The following NAPB variants were observed in gnomAD, a reference collection of about 807,000 sequenced individuals.
NAPB encodes the protein beta-soluble NSF attachment protein.
NAPB carries 26 observed loss-of-function variants against 44.7 expected under a neutral mutation model. The observed-to-expected ratio is 0.58, with a 90% CI of 0.43 to 0.81. The LOEUF is 0.81. Ranked by LOEUF, NAPB falls within the 30% of genes least tolerant of loss-of-function variation. The probability of loss-of-function intolerance (pLI) is 0.00; values close to 1 mark genes in which losing one functional copy is unlikely to be tolerated. For missense variants in NAPB, 315 were observed against 356.4 expected (o/e 0.88, Z 0.94); for synonymous variants, 120 against 116.8 (o/e 1.03, Z -0.18).
At chr20:23,381,017 A>C in intron 8 of NAPB, 196 bp downstream of exon 8, 2 of 538,678 alleles carry the variant, frequency 3.7e-6, no homozygotes, top group East Asian at 3.3e-5. Flanking sequence ...ATAAACTATC[A>C]GGTAACTTTT....
chr20:23,379,732 G>A (rs6137917), intron 9 of NAPB, 135 bp downstream of exon 9: 63,916 of 711,518 alleles, frequency 0.09, 3,904 homozygotes, highest in East Asian at 0.27. Context: ...CCTATAATAC[G>A]AAAGCAGGAA....
rs1982595393 is a variant in NAPB at position 23,377,317 on chromosome 20, C to T, written c.*59G>A. On this transcript the variant is annotated 3_prime_UTR_variant, in exon 11 of 11. Coordinates refer to ENST00000377026, the MANE Select transcript of NAPB (RefSeq NM_022080.3). ...TTAAATAGGCATCCCATAAAGATCA[C>T]TTGACCCTAAGACAAAACTAAAGAG... The T allele has an allele frequency of 1.8e-6, 2 of 1,138,808 alleles. No individual in the cohort carries two copies. Among genetic ancestry groups the T allele is most frequent in the East Asian group, 2.5e-5 (1 of 40,148 alleles). 70.5% of individuals were successfully genotyped at this position (1,138,808 alleles called of 1,614,324 possible). A position where few individuals can be genotyped will look rare whatever the true frequency, so the allele number is the denominator to read the frequency against.
intron 7 of NAPB, among the ~76,000 whole-genome samples, chr20:23,387,187 TTGA>T (rs1983592824): frequency 6.6e-6 from 1 of 152,120 alleles, no homozygotes; most frequent in African/African-American, 2.4e-5. Flanking sequence ...CCAATACCCT[TTGA>T]TGATAAAAAC....
chr20:23,393,139 T>A (rs951311034), intron 5 of NAPB, among the ~76,000 whole-genome samples: 1 of 152,090 alleles, frequency 6.6e-6, no homozygotes, highest in African/African-American at 2.4e-5. Flanking sequence ...TCCCATTCCA[T>A]CATCAATTCC....
At chr20:23,384,589 T>A (rs1983322610) in intron 7 of NAPB, among the ~76,000 whole-genome samples, 1 of 149,690 alleles carries the variant, frequency 6.7e-6, no homozygotes. Context: ...ACCATTTCCC[T>A]CCAGCCTGGG....
intron 1 of NAPB, among the ~76,000 whole-genome samples, chr20:23,416,904 A>G (rs1215304732): frequency 6.6e-6 from 1 of 152,210 alleles, no homozygotes; most frequent in Non-Finnish European, 1.5e-5. Flanking sequence ...AATATTCACA[A>G]TTTTCACAAA....
chr20:23,403,164 A>G (rs1984975097), intron 1 of NAPB, 92 bp from the exon 2 acceptor site: 8 of 871,558 alleles, frequency 9.2e-6, no homozygotes, highest in South Asian at 3.0e-5. Context: ...TATACTTGCT[A>G]TGTGCCAGAC....
intron 8 of NAPB, 78 bp from the exon 9 acceptor site, chr20:23,380,013 A>T: frequency 8.8e-7 from 1 of 1,133,072 alleles, no homozygotes; most frequent in Non-Finnish European, 1.3e-6. Context: ...GCTTCAAATA[A>T]GATCTACCTA....
At chr20:23,390,345 C>A in intron 5 of NAPB, 81 bp from the exon 6 acceptor site, 1 of 1,201,348 alleles carries the variant, frequency 8.3e-7, no homozygotes, top group South Asian at 1.3e-5. Flanking sequence ...GGTATTTTTC[C>A]ATAAATAAAC....
chr20:23,381,272 T>C lies in NAPB; in HGVS notation c.607A>G (p.Lys203Glu). The C allele has an allele frequency of 6.2e-7, 1 of 1,610,308 alleles. No homozygotes were observed. Among genetic ancestry groups the C allele is most frequent in the Non-Finnish European group, 8.5e-7 (1 of 1,178,632 alleles). The change falls in exon 8 of 11, where the codon AAG (lysine) becomes GAG (glutamate). Residue 203 changes from lysine to glutamate, a missense_variant. Lys to Glu is a moderately conservative substitution (Grantham distance 56). Transcript: ENST00000377026. The stretch of plus-strand genomic sequence containing the variant: ...AGGGCAGCTTTGAAGAAGTAATCCT[T>C]TGCACTGTATTTCAACAAAGGATTA... ...MDNPLLKYSA[K>E]DYFFKAALCH... is the part of the protein sequence containing the mutation.
intron 5 of NAPB, among the ~76,000 whole-genome samples, chr20:23,391,086 G>A (rs1009432821): frequency 1.3e-5 from 2 of 152,146 alleles, no homozygotes; most frequent in African/African-American, 4.8e-5. Context: ...AGGCCGAGGA[G>A]GGTGGAATAC....
At chr20:23,397,971 A>C (rs1436939152) in intron 2 of NAPB, among the ~76,000 whole-genome samples, 1 of 152,140 alleles carries the variant, frequency 6.6e-6, no homozygotes, top group Non-Finnish European at 1.5e-5. Context: ...AGAAAGAGGG[A>C]AGGAATCGCT....
At position 23,398,029 on chromosome 20, in the gene NAPB, G is replaced by A. The variant is rs536336619; in HGVS notation, c.179-841C>T. Among the ~76,000 whole-genome samples, 22 of 152,316 alleles carry A rather than the reference G, an allele frequency of 1.4e-4. No individual in the cohort carries two copies. In the South Asian group the frequency reaches 4.6e-3, roughly 32 times the overall value. The stretch of plus-strand genomic sequence containing the variant: ...AGAAGAAATGCTTGAAGGTAAGAAA[G>A]GGCTGGAAGTGGAGGCCAGTGACAA... On this transcript the variant is annotated intron_variant, in intron 2 of 10. Coordinates refer to ENST00000377026, the MANE Select transcript of NAPB (RefSeq NM_022080.3).
chr20:23,387,215 GA>G, intron 7 of NAPB, among the ~76,000 whole-genome samples: 1 of 152,118 alleles, frequency 6.6e-6, no homozygotes, highest in Admixed American at 6.5e-5. Flanking sequence ...AACAAACTAG[GA>G]AGAGAGGGGA....
In NAPB at chr20:23,390,024, T is replaced by C; in HGVS notation, c.483A>G (p.Ala161=). Residue 161 remains alanine (A), a synonymous_variant, in exon 7 of 11, where the codon GCA becomes GCG. Transcript: ENST00000377026. ...YYKGEESNSS[A]NKCLLKVAAY... is the part of the protein sequence containing the mutation. ...CTGCCACCTTCAGCAGACACTTGTT[T>C]GCTGAGCTGAAATCAAGAACCAAAG... The C allele has an allele frequency of 6.2e-7, 1 of 1,614,028 alleles. No homozygotes were observed. The highest frequency in any genetic ancestry group is 8.5e-7 in the Non-Finnish European group (1 of 1,179,960).
intron 3 of NAPB, 133 bp from the exon 4 acceptor site, chr20:23,395,318 T>C (rs902849867): frequency 7.2e-6 from 6 of 837,776 alleles, no homozygotes; most frequent in African/African-American, 5.1e-5. Flanking sequence ...GGCAGGTTAA[T>C]GAGAAGCAAA....
rs1982770621 is a variant in NAPB at position 23,378,960 on chromosome 20, A to T, written c.786+485T>A. On this transcript the variant is annotated intron_variant, in intron 10 of 10. Transcript: ENST00000377026. The stretch of plus-strand genomic sequence containing the variant: ...CAGCCTCCCGAGTAGCTGGGACTAC[A>T]GGCGTGTGCCAGCATGCCTGGCTAA... 2.9e-5 allele frequency: 4 copies of T among 137,968 alleles called. 2 individuals carry two copies. Among genetic ancestry groups the T allele is most frequent in the Non-Finnish European group, 6.4e-5 (4 of 62,878 alleles). 8.5% of individuals were successfully genotyped at this position (137,968 alleles called of 1,614,324 possible).
chr20:23,376,028 A>G lies in NAPB; in HGVS notation c.*1348T>C, dbSNP rs891124223. On this transcript the variant is annotated 3_prime_UTR_variant, in exon 11 of 11. Coordinates refer to ENST00000377026, the MANE Select transcript of NAPB (RefSeq NM_022080.3). Reference sequence around the variant, plus strand: ...CCACCAAAAATGAAAACATCATTCCAATACTACTTACTACTACCTGACATA... The same window carrying G: ...CCACCAAAAATGAAAACATCATTCCGATACTACTTACTACTACCTGACATA... The G allele has an allele frequency of 6.6e-6, 1 of 152,246 alleles. No individual in the cohort carries two copies. The highest frequency in any genetic ancestry group is 1.5e-5 in the Non-Finnish European group (1 of 68,050). 9.4% of individuals were successfully genotyped at this position (152,246 alleles called of 1,614,324 possible). A position where few individuals can be genotyped will look rare whatever the true frequency, so the allele number is the denominator to read the frequency against.
At chr20:23,393,967 T>C (rs73901826) in intron 5 of NAPB, among the ~76,000 whole-genome samples, 17,381 of 152,050 alleles carry the variant, frequency 0.11, 1,755 homozygotes, top group African/African-American at 0.27. Flanking sequence ...GAGGCCAGGA[T>C]GGCCATGCAG....
Sources: gnomAD v4.1 joint callset for allele counts (sites outside exome capture counted in the v4.1 genomes callset) on GRCh38, gnomAD v4.1.1 for gene constraint, MANE v1.5 for transcripts, NCBI Gene and HGNC (gene_info 2026-07-23, HGNC 2026-07-21) for gene names.